The following TNRC6C variants were observed in gnomAD, a reference collection of about 807,000 sequenced individuals.
The protein encoded by TNRC6C is trinucleotide repeat containing adaptor 6C, also known as trinucleotide repeat-containing gene 6C protein.
Under a neutral mutation model 153.7 loss-of-function variants are expected in TNRC6C, and 20 were observed. The ratio of observed to expected loss-of-function variants is 0.13; its 90% CI spans 0.09 to 0.19. The LOEUF (loss-of-function observed/expected upper bound fraction) is 0.19. Among genes scored for constraint, TNRC6C ranks in the 10% least tolerant of loss-of-function variants. The probability of loss-of-function intolerance (pLI) is 1.00; values close to 1 mark genes in which losing one functional copy is unlikely to be tolerated. For synonymous variants in TNRC6C, 811 were observed against 841.4 expected, an observed-to-expected ratio of 0.96 and a Z score of 0.63; for missense variants, 1,987 against 2,172.0, an observed-to-expected ratio of 0.91 and a Z score of 1.69.
At chr17:78,037,403 A>G (rs996514929) in intron 2 of TNRC6C, among the ~76,000 whole-genome samples, 1 of 152,248 alleles carries the variant, frequency 6.6e-6, no homozygotes, top group African/African-American at 2.4e-5. Context: ...ATAACCAATA[A>G]GTAAGTCAGC....
At chr17:77,988,307 A>T (rs375075420) in intron 1 of TNRC6C, among the ~76,000 whole-genome samples, 124 of 152,292 alleles carry the variant, frequency 8.1e-4, no homozygotes, top group African/African-American at 2.6e-3. Flanking sequence ...TGAGCCCAGG[A>T]GGTCGAGTGA....
chr17:77,958,085 TCGTGTG>T (rs752722113), upstream of TNRC6C, among the ~76,000 whole-genome samples: 35 of 152,130 alleles, frequency 2.3e-4, no homozygotes, highest in South Asian at 6.2e-4. Context: ...CCCCAAGGAC[TCGTGTG>T]CGTGTGCGTG....
At position 78,051,221 on chromosome 17, in the gene TNRC6C, G is replaced by A. The variant is rs376154392; in HGVS notation, c.2159G>A (p.Arg720His). The A allele has an allele frequency of 7.0e-6, 11 of 1,564,206 alleles. No individual in the cohort carries two copies. Among genetic ancestry groups the A allele is most frequent in the African/African-American group, 2.7e-5 (2 of 73,306 alleles). The stretch of plus-strand genomic sequence containing the variant: ...GAACCCTCTCCACCGTCCATTCGCC[G>A]CAAAATGGAAATTGATGATGGTACC... Residue 720 changes from arginine (R) to histidine (H), a missense_variant, in exon 3 of 20, where the codon CGC becomes CAC. Coordinates refer to ENST00000301624, the Ensembl canonical transcript of TNRC6C.
At chr17:78,005,418 G>T (rs1006072986) in intron 1 of TNRC6C, among the ~76,000 whole-genome samples, 1 of 152,000 alleles carries the variant, frequency 6.6e-6, no homozygotes, top group African/African-American at 2.4e-5. Context: ...TTTTTTTAAG[G>T]TTCCAATTTC....
intron 13 of TNRC6C, among the ~76,000 whole-genome samples, chr17:78,089,317 T>C (rs2073354958): frequency 6.6e-6 from 1 of 152,224 alleles, no homozygotes; most frequent in Admixed American, 6.5e-5. Context: ...GTTAAAGAAT[T>C]CATGCAGTGA....
chr17:78,092,002 G>A (rs2073403010), intron 14 of TNRC6C, among the ~76,000 whole-genome samples: 2 of 152,068 alleles, frequency 1.3e-5, no homozygotes, highest in Admixed American at 6.6e-5. Flanking sequence ...AAATACTAGG[G>A]TGCATTTCTG....
chr17:78,007,120 C>T (rs1417444028), intron 1 of TNRC6C, among the ~76,000 whole-genome samples: 1 of 152,150 alleles, frequency 6.6e-6, no homozygotes, highest in African/African-American at 2.4e-5. Flanking sequence ...GCTGGGATTA[C>T]AGGCGTGAGC....
intron 18 of TNRC6C, among the ~76,000 whole-genome samples, chr17:78,103,133 C>T (rs192660164): frequency 2.5e-4 from 38 of 152,338 alleles, no homozygotes; most frequent in African/African-American, 7.7e-4. Flanking sequence ...CTCTGTGCGA[C>T]GTGCTCTGGT....
At chr17:78,098,860 A>C (rs866705560) in intron 17 of TNRC6C, among the ~76,000 whole-genome samples, 2 of 152,210 alleles carry the variant, frequency 1.3e-5, no homozygotes, top group Non-Finnish European at 1.5e-5. Context: ...CTGGGCCATC[A>C]GAGGCCTGCA....
chr17:78,092,813 C>G (rs1430883384), intron 14 of TNRC6C, 120 bp from the exon 17 acceptor site: 5 of 702,826 alleles, frequency 7.1e-6, no homozygotes, highest in Non-Finnish European at 9.3e-6. Context: ...ATTCATGTAA[C>G]TGAATAGGGC....
chr17:77,958,878 A>G (rs1052860769), upstream of TNRC6C, among the ~76,000 whole-genome samples: 373 of 145,072 alleles, frequency 2.6e-3, no homozygotes, highest in African/African-American at 9.1e-3. Flanking sequence ...CCGTCGCAGT[A>G]GCCGCGGGCC....
rs761424980 is a variant in TNRC6C at position 78,049,205 on chromosome 17, C to T, written c.143C>T (p.Ala48Val). The stretch of plus-strand genomic sequence containing the variant: ...GGGGGAGCGAACAGTAATGGAAGTG[C>T]GGCCAGAGTGTGGGGTGTAGCCACA... Residue 48 changes from alanine (A) to valine (V), a missense_variant, in exon 3 of 20, where the codon GCG (alanine) becomes GTG (valine). This residue lies in a region of TNRC6C where 1,052 missense variants were observed against 1,017.0 expected (regional missense o/e 1.03). Transcript: ENST00000301624. The surrounding 1 kb of genome is among the most constrained non-coding windows in gnomAD (Gnocchi z 4.1). 8.7e-6 allele frequency: 14 copies of T among 1,612,860 alleles called. No homozygotes were observed. In the East Asian group the frequency reaches 1.3e-4, roughly 15 times the overall value.
rs573737791 is a variant in TNRC6C, at chr17:78,083,198, C to G, written c.3477+32C>G. 48 of 1,612,180 alleles carry G rather than the reference C, an allele frequency of 3.0e-5. No homozygotes were observed. In the South Asian group the frequency reaches 5.3e-4, roughly 18 times the overall value. ...GGATAGACCCATGCAAGTTAGAGCA[C>G]GCAGGCCGAGTGCAGATGCACGGCA... On this transcript the variant is annotated intron_variant, in intron 11 of 19. Transcript: ENST00000301624.
At chr17:78,060,700 C>A (rs2072750529) in intron 3 of TNRC6C, among the ~76,000 whole-genome samples, 1 of 151,968 alleles carries the variant, frequency 6.6e-6, no homozygotes, top group Admixed American at 6.5e-5. Context: ...CATGCCTGGC[C>A]TAGTCCTTTA....
intron 1 of TNRC6C, among the ~76,000 whole-genome samples, chr17:77,967,594 A>T (rs1598636786): frequency 6.6e-6 from 1 of 152,310 alleles, no homozygotes; most frequent in East Asian, 1.9e-4. Context: ...TCTGTAGGGT[A>T]CCTGAAGGAG....
intron 1 of TNRC6C, among the ~76,000 whole-genome samples, chr17:77,985,605 A>AAAAAAAAAAAAAC (rs1210359645): frequency 7.2e-5 from 11 of 151,744 alleles, no homozygotes; most frequent in African/African-American, 2.7e-4. Context: ...CCGTCTCAAA[A>AAAAAAAAAAAAAC]AAAAAAAAAA....
chr17:78,094,671 C>T (rs980129471), intron 16 of TNRC6C, among the ~76,000 whole-genome samples: 9 of 152,182 alleles, frequency 5.9e-5, no homozygotes, highest in Admixed American at 2.6e-4. Context: ...AACTCCTGAC[C>T]TCAAGTGATC....
chr17:77,966,512 T>TA (rs76552613), intron 1 of TNRC6C, among the ~76,000 whole-genome samples: 4,417 of 152,310 alleles, frequency 0.029, 196 homozygotes, highest in East Asian at 0.18. Context: ...ATAGGGTACT[T>TA]ACTGCTCTTC....
chr17:78,005,105 T>C, intron 1 of TNRC6C, 26 bp downstream of exon 3: 1 of 1,228,712 alleles, frequency 8.1e-7, no homozygotes, highest in Non-Finnish European at 1.0e-6. Flanking sequence ...TTTAGGGGGG[T>C]ACATTTATGG....
Sources: allele counts gnomAD v4.1 joint callset (sites outside exome capture counted in the v4.1 genomes callset), GRCh38; gene constraint gnomAD v4.1.1; regional missense constraint gnomAD v4.1.1; non-coding constraint Gnocchi (gnomAD v3.1); transcripts MANE v1.5; gene names NCBI Gene and HGNC (gene_info 2026-07-23, HGNC 2026-07-21).